Variants in RUVBL1 observed in about 807,000 individuals in gnomAD.
RUVBL1 encodes RuvB like AAA ATPase 1, also known as ruvB-like 1.
A neutral mutation model predicts 52.4 loss-of-function variants in RUVBL1; 4 were observed. The observed-to-expected ratio is 0.08, with a 90% CI of 0.04 to 0.17. The LOEUF is 0.17. Among genes scored for constraint, RUVBL1 ranks in the 10% least tolerant of loss-of-function variants. The pLI, the probability that RUVBL1 is intolerant of heterozygous loss-of-function variation, is 1.00. For synonymous variants in RUVBL1, 217 were observed against 214.4 expected (o/e 1.01, Z -0.10); for missense variants, 298 against 572.8 (o/e 0.52, Z 4.90).
intron 9 of RUVBL1, among the ~76,000 whole-genome samples, chr3:128,072,140 T>C (rs752435797): frequency 7.3e-4 from 111 of 152,278 alleles, no homozygotes; most frequent in Middle Eastern, 3.4e-3. Flanking sequence ...CCCAGTGTTG[T>C]GTGGGTGGGA....
chr3:128,123,995 C>T (rs1363088751), upstream of RUVBL1: 1 of 837,230 alleles, frequency 1.2e-6, no homozygotes, highest in African/African-American at 1.8e-5. Flanking sequence ...AGGCTGGGGT[C>T]GGGAGCACAG....
chr3:128,066,840 CA>C, intron 9 of RUVBL1: 1 of 959,580 alleles, frequency 1.0e-6, no homozygotes, highest in Non-Finnish European at 1.6e-6. Context: ...CCAGAACCAG[CA>C]CACAGGATTT....
chr3:128,122,438 G>A (rs947261067), intron 1 of RUVBL1, among the ~76,000 whole-genome samples: 1 of 152,180 alleles, frequency 6.6e-6, no homozygotes, highest in Non-Finnish European at 1.5e-5. Flanking sequence ...AGCGGGGAAG[G>A]GACAACTAAT....
intron 1 of RUVBL1, among the ~76,000 whole-genome samples, chr3:128,120,284 C>T (rs1943613613): frequency 6.6e-6 from 1 of 152,162 alleles, no homozygotes; most frequent in African/African-American, 2.4e-5. Context: ...CATCAGTGAA[C>T]ACTGTAAATA....
At chr3:128,111,356 T>C (rs2107705127) in intron 3 of RUVBL1, among the ~76,000 whole-genome samples, 1 of 152,266 alleles carries the variant, frequency 6.6e-6, no homozygotes, top group East Asian at 1.9e-4. Flanking sequence ...CTGACCACTG[T>C]ATCCCCAGGA....
chr3:128,141,084 A>G (rs988482250), intron 1 of RUVBL1, among the ~76,000 whole-genome samples: 2 of 152,164 alleles, frequency 1.3e-5, no homozygotes, highest in Non-Finnish European at 2.9e-5. Flanking sequence ...ATGGTTTTCT[A>G]TGTATGGAGA....
At chr3:128,150,418 T>G (rs1236714252) in intron 1 of RUVBL1, among the ~76,000 whole-genome samples, 1 of 151,182 alleles carries the variant, frequency 6.6e-6, no homozygotes, top group Admixed American at 6.6e-5. Flanking sequence ...AATGTTGTCC[T>G]CTTCCATCTT....
intron 1 of RUVBL1, among the ~76,000 whole-genome samples, chr3:128,142,546 C>A (rs1341651681): frequency 6.6e-6 from 1 of 152,114 alleles, no homozygotes; most frequent in Non-Finnish European, 1.5e-5. Flanking sequence ...CAACACAAAT[C>A]AATAATCTTA....
chr3:128,068,063 A>T (rs898937562), intron 9 of RUVBL1: 3 of 1,612,450 alleles, frequency 1.9e-6, no homozygotes, highest in Non-Finnish European at 2.5e-6. Context: ...TCAACCGGTG[A>T]GTGGTGGCCC....
exon 1 of RUVBL1, chr3:128,153,729 G>T (rs1311665807): frequency 6.4e-6 from 10 of 1,555,236 alleles, no homozygotes; most frequent in African/African-American, 4.2e-5. Context: ...TCCAGGCAGC[G>T]CCCGAGGCCG....
intron 2 of RUVBL1, among the ~76,000 whole-genome samples, chr3:128,117,316 T>C (rs1235775062): frequency 6.6e-6 from 1 of 152,196 alleles, no homozygotes; most frequent in Admixed American, 6.5e-5. Flanking sequence ...CCAGGGTTTC[T>C]CAGCTTGACT....
chr3:128,084,744 G>C (rs1489935097), intron 9 of RUVBL1: 3 of 152,222 alleles, frequency 2.0e-5, no homozygotes, highest in Non-Finnish European at 4.4e-5. Context: ...TTGGATTGCA[G>C]AGTACACAAG....
Position 128,133,262 on chromosome 3 carries a change from C to G in RUVBL1, c.-39-13848G>C, listed in dbSNP as rs1943906920. ...AAATGGATTCCTAAGGTTTCTGACT[C>G]CAGGCCCCAGCTCCTGGATGGCATT... On this transcript the variant is annotated intron_variant, in intron 1 of 9. Coordinates refer to the RUVBL1 transcript ENST00000464873. Among the ~76,000 whole-genome samples the G allele has an allele frequency of 2.6e-5, 4 of 152,334 alleles. No homozygotes were observed. The Middle Eastern group carries it at 0.014, about 518-fold the overall frequency.
At chr3:128,065,161 T>C in exon 10 of RUVBL1, 1 of 1,098,900 alleles carries the variant, frequency 9.1e-7, no homozygotes, top group Non-Finnish European at 1.4e-6. Flanking sequence ...GATGAGATGG[T>C]ATTTGAAGGC....
chr3:128,114,167 C>A (rs1033474205), intron 2 of RUVBL1, among the ~76,000 whole-genome samples: 1 of 152,196 alleles, frequency 6.6e-6, no homozygotes, highest in Admixed American at 6.5e-5. Context: ...CCTCTAAATG[C>A]CATTTTCATC....
At chr3:128,142,134 C>T (rs372484724) in intron 1 of RUVBL1, among the ~76,000 whole-genome samples, 16 of 152,338 alleles carry the variant, frequency 1.1e-4, no homozygotes, top group African/African-American at 2.4e-4. Flanking sequence ...GCAGTGTTTC[C>T]GTTTCAGCAG....
rs997802000 is a variant in RUVBL1 at position 128,065,374 on chromosome 3, A to G, written c.940-154T>C. 1.9e-5 allele frequency: 11 copies of G among 568,364 alleles called. 1 individual carries two copies. Among genetic ancestry groups the G allele is most frequent in the South Asian group, 7.2e-5 (3 of 41,532 alleles). The allele number at this position is 568,364 out of a possible 1,614,324, so 35.2% of individuals were successfully genotyped here. On this transcript the variant is annotated intron_variant, in intron 9 of 9. Transcript: ENST00000464873. ...CTCTGAAACCTCATTGCTCTCTTAT[A>G]GAAAGTTTGTATGATATTTATAGGT...
chr3:128,098,846 C>G, intron 7 of RUVBL1, 36 bp downstream of exon 7: 1 of 1,595,350 alleles, frequency 6.3e-7, no homozygotes. Flanking sequence ...GCCCTCCGCC[C>G]TGCCCCTTGC....
At chr3:128,151,656 T>A (rs533769335) in intron 1 of RUVBL1, among the ~76,000 whole-genome samples, 15 of 152,214 alleles carry the variant, frequency 9.9e-5, no homozygotes, top group Non-Finnish European at 2.1e-4. Flanking sequence ...AGGACCCTAA[T>A]CCCATCACAA....
Sources: allele counts gnomAD v4.1 joint callset (sites outside exome capture counted in the v4.1 genomes callset), GRCh38; gene constraint gnomAD v4.1.1; transcripts MANE v1.5; gene names NCBI Gene and HGNC (gene_info 2026-07-23, HGNC 2026-07-21).